The following MAPK9 variants were observed in gnomAD, a reference collection of about 807,000 sequenced individuals.
The protein encoded by MAPK9 is mitogen-activated protein kinase 9, also known as Jun kinase.
A neutral mutation model predicts 57.1 loss-of-function variants in MAPK9; 30 were observed. That is an observed-to-expected ratio of 0.53 (90% confidence interval 0.39 to 0.71). MAPK9 has a LOEUF of 0.71. Ranked by LOEUF, MAPK9 falls within the 30% of genes least tolerant of loss-of-function variation. The probability of loss-of-function intolerance (pLI) is 0.00; values close to 1 mark genes in which losing one functional copy is unlikely to be tolerated. For synonymous variants in MAPK9, 155 were observed against 177.0 expected, an observed-to-expected ratio of 0.88 and a Z score of 0.99; for missense variants, 362 against 521.0, an observed-to-expected ratio of 0.69 and a Z score of 2.97.
intron 1 of MAPK9, among the ~76,000 whole-genome samples, chr5:180,288,359 A>G (rs1762951858): frequency 6.6e-6 from 1 of 152,234 alleles, no homozygotes; most frequent in South Asian, 2.1e-4. Flanking sequence ...GTATCATCCA[A>G]TCAACAACGT....
At chr5:180,274,286 T>C (rs1476618733) in intron 2 of MAPK9, among the ~76,000 whole-genome samples, 2 of 152,216 alleles carry the variant, frequency 1.3e-5, no homozygotes, top group Non-Finnish European at 2.9e-5. Flanking sequence ...GGGGTACATA[T>C]ACTGACCCTG....
chr5:180,283,347 G>A (rs1419808130), intron 1 of MAPK9, among the ~76,000 whole-genome samples: 2 of 152,096 alleles, frequency 1.3e-5, no homozygotes, highest in African/African-American at 4.8e-5. Context: ...CCTTGCTGCT[G>A]GCTGAGGGAT....
chr5:180,264,343 C>T (rs1402049266), intron 4 of MAPK9, among the ~76,000 whole-genome samples: 2 of 152,160 alleles, frequency 1.3e-5, no homozygotes, highest in Non-Finnish European at 1.5e-5. Flanking sequence ...CATTATGCCT[C>T]TCAATAGATT....
At chr5:180,277,174 G>C (rs187085962) in intron 2 of MAPK9, among the ~76,000 whole-genome samples, 1 of 152,306 alleles carries the variant, frequency 6.6e-6, no homozygotes, top group Admixed American at 6.5e-5. Flanking sequence ...TTGTGAATTA[G>C]TTTCCTATTG....
intron 5 of MAPK9, among the ~76,000 whole-genome samples, chr5:180,254,112 AC>A (rs1195310944): frequency 6.6e-6 from 1 of 152,062 alleles, no homozygotes; most frequent in East Asian, 1.9e-4. Flanking sequence ...GATTATAGGC[AC>A]CTGCCACCAC....
intron 1 of MAPK9, among the ~76,000 whole-genome samples, chr5:180,283,801 T>G (rs1035467335): frequency 6.6e-6 from 1 of 152,104 alleles, no homozygotes; most frequent in Non-Finnish European, 1.5e-5. Context: ...CCGGGTGTGG[T>G]AGTGCGTGCC....
At chr5:180,256,937 T>C (rs747898986) in intron 5 of MAPK9, among the ~76,000 whole-genome samples, 65 of 152,144 alleles carry the variant, frequency 4.3e-4, no homozygotes, top group Non-Finnish European at 7.5e-4. Context: ...TTAAGAGATA[T>C]CAAGAGTACC....
At chr5:180,266,611 C>A (rs1023205180) in intron 3 of MAPK9, among the ~76,000 whole-genome samples, 2 of 151,878 alleles carry the variant, frequency 1.3e-5, no homozygotes, top group African/African-American at 2.4e-5. Flanking sequence ...AGCCACAGCG[C>A]CCGGCTGATA....
At chr5:180,291,307 G>A (rs1024638698) in intron 1 of MAPK9, among the ~76,000 whole-genome samples, 20 of 151,204 alleles carry the variant, frequency 1.3e-4, no homozygotes, top group African/African-American at 4.6e-4. Context: ...GCGGGGAGGC[G>A]GGAGGCTGGG....
At chr5:180,253,963 C>CTTTTTTTTT (rs5873681) in intron 5 of MAPK9, among the ~76,000 whole-genome samples, 2 of 109,358 alleles carry the variant, frequency 1.8e-5, no homozygotes, top group East Asian at 2.8e-4. Flanking sequence ...GCTTCAATCT[C>CTTTTTTTTT]TTTTTTTTTT....
intron 2 of MAPK9, among the ~76,000 whole-genome samples, chr5:180,271,204 A>C (rs1055387652): frequency 6.6e-6 from 1 of 152,226 alleles, no homozygotes; most frequent in African/African-American, 2.4e-5. Context: ...GTTTTTGGCT[A>C]AAACAAGGCA....
chr5:180,258,682 A>G (rs896446421), intron 5 of MAPK9, among the ~76,000 whole-genome samples: 1 of 152,108 alleles, frequency 6.6e-6, no homozygotes, highest in Non-Finnish European at 1.5e-5. Flanking sequence ...CAGTCGGTTC[A>G]GTTACCTCCA....
At chr5:180,286,634 C>T (rs893197649) in intron 1 of MAPK9, among the ~76,000 whole-genome samples, 8 of 149,136 alleles carry the variant, frequency 5.4e-5, no homozygotes, top group African/African-American at 1.2e-4. Context: ...CAAGGATCTC[C>T]GTCACCAGCC....
Position 180,242,565 on chromosome 5 carries a change from T to C in MAPK9, c.871+8A>G, listed in dbSNP as rs1490009193. ...AAACACAAGTATAAGAAAAAAAGGA[T>C]ATCTTACTTTTTATTTTGTCTCGCT... On this transcript the variant is annotated splice_region_variant and intron_variant, in intron 8 of 11. Transcript: ENST00000452135. The C allele has an allele frequency of 2.5e-6, 4 of 1,601,392 alleles. No homozygotes were observed. The highest frequency in any genetic ancestry group is 3.4e-6 in the Non-Finnish European group (4 of 1,171,966).
At chr5:180,287,718 TGC>T (rs1762892753) in intron 1 of MAPK9, among the ~76,000 whole-genome samples, 1 of 152,182 alleles carries the variant, frequency 6.6e-6, no homozygotes. Flanking sequence ...TTCAAGCACT[TGC>T]TTCTCTTACA....
chr5:180,244,595 G>A lies in MAPK9; in HGVS notation c.689-1840C>T, dbSNP rs35899060. 3.0e-3 allele frequency among the ~76,000 whole-genome samples: 455 copies of A among 152,024 alleles called. 3 individuals are homozygous for A. Among genetic ancestry groups the A allele is most frequent in the Middle Eastern group, 0.024 (7 of 294 alleles). ...TCAAGACCAGCCTGGCCAAGACGGT[G>A]AAACCCTGGCCCTACTAAAAATACA... is the stretch of plus-strand genomic sequence containing the variant. On this transcript the variant is annotated intron_variant, in intron 7 of 11. Coordinates refer to ENST00000452135, the MANE Select transcript of MAPK9 (RefSeq NM_002752.5).
intron 2 of MAPK9, among the ~76,000 whole-genome samples, chr5:180,278,300 T>C (rs1762005998): frequency 6.6e-6 from 1 of 152,264 alleles, no homozygotes; most frequent in Non-Finnish European, 1.5e-5. Context: ...GTGAGGGTTA[T>C]GGCAGAGCTC....
chr5:180,256,611 G>A (rs1406494024), intron 5 of MAPK9, among the ~76,000 whole-genome samples: 1 of 152,166 alleles, frequency 6.6e-6, no homozygotes, highest in Non-Finnish European at 1.5e-5. Flanking sequence ...TGGGGATGGT[G>A]AGCAGGAGGC....
At chr5:180,265,167 T>C (rs1760397293) in intron 3 of MAPK9, among the ~76,000 whole-genome samples, 1 of 152,184 alleles carries the variant, frequency 6.6e-6, no homozygotes, top group East Asian at 1.9e-4. Flanking sequence ...AAAACTTAAA[T>C]ACTACGCACA....
Sources: gnomAD v4.1 joint callset for allele counts (sites outside exome capture counted in the v4.1 genomes callset) on GRCh38, gnomAD v4.1.1 for gene constraint, MANE v1.5 for transcripts, NCBI Gene and HGNC (gene_info 2026-07-23, HGNC 2026-07-21) for gene names.